Variants in CEP85L observed in about 807,000 individuals in gnomAD.
CEP85L encodes the protein centrosomal protein 85L, also known as centrosomal protein of 85 kDa-like.
A neutral mutation model predicts 100.3 loss-of-function variants in CEP85L; 60 were observed. That is an observed-to-expected ratio of 0.60 (90% CI 0.49 to 0.74). The LOEUF is 0.74. Among genes scored for constraint, CEP85L ranks in the 30% least tolerant of loss-of-function variants. The probability of loss-of-function intolerance (pLI) is 0.00; values close to 1 mark genes in which losing one functional copy is unlikely to be tolerated. For missense variants in CEP85L, 973 were observed against 936.2 expected (o/e 1.04, Z -0.51); for synonymous variants, 319 against 322.7 (o/e 0.99, Z 0.12).
chr6:118,492,568 G>A (rs1774646305), intron 5 of CEP85L, among the ~76,000 whole-genome samples: 1 of 152,116 alleles, frequency 6.6e-6, no homozygotes, highest in South Asian at 2.1e-4. Flanking sequence ...GGAAGAGGAA[G>A]GCAGGAAATA....
rs1176473374 is a variant in CEP85L at position 118,537,344 on chromosome 6, AT to A, written c.1021-13425del. Among the ~76,000 whole-genome samples, 6 of 150,762 alleles carry A rather than the reference AT, an allele frequency of 4.0e-5. No homozygotes were observed. The East Asian group carries it at 5.8e-4, about 15-fold the overall frequency. On this transcript the variant is annotated intron_variant, in intron 3 of 12. Coordinates refer to ENST00000368491, the MANE Select transcript of CEP85L (RefSeq NM_001042475.3). ...AAATGTGTAAAGGTGAAACAGAGAC[AT>A]TTTTACAGGTAAACATTTTATATAT...
chr6:118,640,410 T>A (rs537502683), intron 1 of CEP85L, among the ~76,000 whole-genome samples: 1 of 152,316 alleles, frequency 6.6e-6, no homozygotes, highest in Admixed American at 6.5e-5. Flanking sequence ...TAAGTCCTCA[T>A]AAATCACTTA....
At chr6:118,620,819 C>T (rs1286359166) in intron 2 of CEP85L, among the ~76,000 whole-genome samples, 1 of 152,188 alleles carries the variant, frequency 6.6e-6, no homozygotes, top group Non-Finnish European at 1.5e-5. Context: ...CCAGGTATTT[C>T]TCCCACCTCC....
In CEP85L at chr6:118,651,368, G is replaced by A. The variant is rs1775549449; in HGVS notation, c.-99C>T. On this transcript the variant is annotated 5_prime_UTR_variant, in exon 1 of 13. Coordinates refer to ENST00000368491, the MANE Select transcript of CEP85L (RefSeq NM_001042475.3). ...AAACTTGCGCGGAGCGTGGGCCTCG[G>A]CGACACGGGCAGGAGGAAAGGCGGG... 6 of 1,372,114 alleles carry A rather than the reference G, an allele frequency of 4.4e-6. No homozygotes were observed. The highest frequency in any genetic ancestry group is 3.1e-5 in the East Asian group (1 of 32,122). The allele number at this position is 1,372,114 out of a possible 1,614,324, so 85.0% of individuals were successfully genotyped here. A position where few individuals can be genotyped will look rare whatever the true frequency, so the allele number is the denominator to read the frequency against.
At chr6:118,607,942 A>T (rs371110020) in intron 2 of CEP85L, among the ~76,000 whole-genome samples, 1 of 152,038 alleles carries the variant, frequency 6.6e-6, no homozygotes, top group East Asian at 1.9e-4. Context: ...CCTGATCCAG[A>T]CCCCAAGAGA....
intron 4 of CEP85L, among the ~76,000 whole-genome samples, chr6:118,511,967 A>C (rs1582946428): frequency 6.9e-6 from 1 of 144,834 alleles, no homozygotes; most frequent in African/African-American, 2.7e-5. Flanking sequence ...ACAAGAAAGA[A>C]AAAAAAAAAA....
intron 6 of CEP85L, among the ~76,000 whole-genome samples, chr6:118,491,194 TATACACACACACAC>T (rs1482941927): frequency 2.0e-3 from 165 of 81,302 alleles, no homozygotes; most frequent in South Asian, 1.2e-3. Context: ...TACCAACATC[TATACACACACACAC>T]ACACACACAC....
At chr6:118,663,876 TG>T (rs1466913265) in intron 1 of CEP85L, among the ~76,000 whole-genome samples, 3 of 152,038 alleles carry the variant, frequency 2.0e-5, no homozygotes, top group South Asian at 2.1e-4. Flanking sequence ...GCTGTTATGT[TG>T]TTTTTTTTAT....
At position 118,497,808 on chromosome 6, in the gene CEP85L, C is replaced by T. The variant is rs186425201; in HGVS notation, c.1258-5943G>A. 2.5e-3 allele frequency among the ~76,000 whole-genome samples: 382 copies of T among 152,128 alleles called. 2 individuals carry two copies. Among genetic ancestry groups the T allele is most frequent in the South Asian group, 0.012 (56 of 4,822 alleles). On this transcript the variant is annotated intron_variant, in intron 5 of 12. Coordinates refer to ENST00000368491, the MANE Select transcript of CEP85L (RefSeq NM_001042475.3). ...ATCTAGACAAAGAAAGCAAGAGCAT[C>T]GGAAAAGGAATAAGTGAAGGTAAAA... is the stretch of plus-strand genomic sequence containing the variant.
At chr6:118,614,849 T>TAGACAGACAGACAGACAGAC (rs61384909) in intron 2 of CEP85L, among the ~76,000 whole-genome samples, 195 of 146,728 alleles carry the variant, frequency 1.3e-3, no homozygotes, top group Middle Eastern at 3.4e-3. Flanking sequence ...CATTCATTCA[T>TAGACAGACAGACAGACAGAC]AGACAGACAG....
chr6:118,683,153 T>C (rs2114266803), intron 1 of CEP85L, among the ~76,000 whole-genome samples: 1 of 152,288 alleles, frequency 6.6e-6, no homozygotes, highest in South Asian at 2.1e-4. Context: ...TTTCTAGAGA[T>C]TCCAGACAAG....
intron 1 of CEP85L, among the ~76,000 whole-genome samples, chr6:118,635,111 T>C (rs1288039334): frequency 6.6e-6 from 1 of 152,202 alleles, no homozygotes; most frequent in African/African-American, 2.4e-5. Flanking sequence ...AATGTCAATA[T>C]AGACATGACC....
At chr6:118,706,552 A>G (rs1199029943) in intron 1 of CEP85L, among the ~76,000 whole-genome samples, 1 of 152,222 alleles carries the variant, frequency 6.6e-6, no homozygotes, top group Non-Finnish European at 1.5e-5. Context: ...GGGTAACCTC[A>G]ACTGATGAAA....
intron 3 of CEP85L, among the ~76,000 whole-genome samples, chr6:118,543,601 A>G (rs1437009870): frequency 6.6e-6 from 1 of 152,224 alleles, no homozygotes; most frequent in Non-Finnish European, 1.5e-5. Flanking sequence ...AACAAGCAAA[A>G]CAGGGCTTCT....
chr6:118,698,372 A>T (rs949351002), intron 1 of CEP85L, among the ~76,000 whole-genome samples: 3 of 152,220 alleles, frequency 2.0e-5, no homozygotes, highest in African/African-American at 7.2e-5. Flanking sequence ...AGTCATCAGA[A>T]TGTTATCTTC....
At chr6:118,558,652 C>CAGAGAGAGAGAGAGAG (rs1482465423) in intron 3 of CEP85L, among the ~76,000 whole-genome samples, 28 of 132,974 alleles carry the variant, frequency 2.1e-4, no homozygotes, top group African/African-American at 8.4e-4. Flanking sequence ...CACACACACA[C>CAGAGAGAGAGAGAGAG]ACACACACAG....
chr6:118,472,069 G>A (rs1181705905), intron 10 of CEP85L, among the ~76,000 whole-genome samples: 2 of 151,130 alleles, frequency 1.3e-5, no homozygotes, highest in African/African-American at 4.9e-5. Flanking sequence ...AAACTCGAGG[G>A]GTGTTTTCAC....
chr6:118,685,583 G>C (rs755809510), intron 1 of CEP85L, among the ~76,000 whole-genome samples: 138 of 152,272 alleles, frequency 9.1e-4, no homozygotes, highest in Non-Finnish European at 1.1e-3. Context: ...ATAAACAACA[G>C]TGAGTAGAAG....
rs918817924 is a variant in CEP85L, at chr6:118,462,159, G to A, written c.*3246C>T. 4.3e-4 allele frequency: 66 copies of A among 152,070 alleles called. No homozygotes were observed. Among genetic ancestry groups the A allele is most frequent in the African/African-American group, 1.6e-3 (66 of 41,534 alleles). 9.4% of individuals were successfully genotyped at this position (152,070 alleles called of 1,614,324 possible). The stretch of plus-strand genomic sequence containing the variant: ...TTGTCTCTACAACAAGCTATTGAAA[G>A]AAGTCTAATTAGGTTTAATAAACTG... On this transcript the variant is annotated 3_prime_UTR_variant, in exon 13 of 13. Transcript: ENST00000368491.
Sources: allele counts gnomAD v4.1 joint callset (sites outside exome capture counted in the v4.1 genomes callset), GRCh38; gene constraint gnomAD v4.1.1; transcripts MANE v1.5; gene names NCBI Gene and HGNC (gene_info 2026-07-23, HGNC 2026-07-21).